Variants in ASTN2 observed in about 807,000 individuals in gnomAD.
ASTN2 encodes the protein astrotactin-2.
ASTN2 carries 54 observed loss-of-function variants against 139.8 expected under a neutral mutation model. The observed-to-expected ratio is 0.39, with a 90% confidence interval of 0.31 to 0.48. The LOEUF is 0.48. Ranked by LOEUF, ASTN2 falls within the 20% of genes least tolerant of loss-of-function variation. The probability of loss-of-function intolerance (pLI) is 0.95; values close to 1 mark genes in which losing one functional copy is unlikely to be tolerated. For missense variants in ASTN2, 1,565 were observed against 1,725.1 expected (o/e 0.91, Z 1.64); for synonymous variants, 756 against 719.5 (o/e 1.05, Z -0.81).
chr9:116,440,019 T>C (rs1847794708), intron 22 of ASTN2, among the ~76,000 whole-genome samples: 2 of 152,214 alleles, frequency 1.3e-5, no homozygotes, highest in Non-Finnish European at 2.9e-5. Context: ...GCAGCCACCA[T>C]TGCATATACT....
chr9:117,183,479 T>A (rs570162071), intron 3 of ASTN2, among the ~76,000 whole-genome samples: 10 of 152,324 alleles, frequency 6.6e-5, no homozygotes, highest in Admixed American at 5.2e-4. Flanking sequence ...ATTACATCAT[T>A]TGTTCTTACA....
At chr9:117,074,358 AT>A (rs1378640854) in intron 5 of ASTN2, among the ~76,000 whole-genome samples, 1 of 152,178 alleles carries the variant, frequency 6.6e-6, no homozygotes, top group Non-Finnish European at 1.5e-5. Flanking sequence ...CCACAGTGAC[AT>A]TTGGTCTGAG....
intron 19 of ASTN2, among the ~76,000 whole-genome samples, chr9:116,512,775 T>C (rs1461681071): frequency 6.6e-6 from 1 of 152,236 alleles, no homozygotes; most frequent in Non-Finnish European, 1.5e-5. Flanking sequence ...TTTGTCTCTT[T>C]TGATCTTTGT....
At chr9:117,035,888 C>T (rs1268724839) in intron 6 of ASTN2, among the ~76,000 whole-genome samples, 2 of 152,300 alleles carry the variant, frequency 1.3e-5, no homozygotes, top group African/African-American at 2.4e-5. Flanking sequence ...CTTTTCCATT[C>T]ACCTCACTGA....
At chr9:117,345,470 A>G (rs982338880) in intron 1 of ASTN2, among the ~76,000 whole-genome samples, 15 of 152,116 alleles carry the variant, frequency 9.9e-5, no homozygotes, top group Admixed American at 2.6e-4. Flanking sequence ...CAAAATCCCT[A>G]CCGTAATCCT....
chr9:117,105,522 G>T (rs1014077796), intron 4 of ASTN2, among the ~76,000 whole-genome samples: 1 of 152,148 alleles, frequency 6.6e-6, no homozygotes, highest in East Asian at 1.9e-4. Flanking sequence ...AGTCCTTGTG[G>T]AACTGAGATA....
intron 1 of ASTN2, among the ~76,000 whole-genome samples, chr9:117,291,758 C>T (rs758064355): frequency 3.3e-5 from 5 of 152,142 alleles, no homozygotes; most frequent in East Asian, 3.8e-4. Flanking sequence ...TGTCTGAGGC[C>T]GTTTTTAGTA....
At chr9:116,938,807 T>C (rs28405197) in intron 10 of ASTN2, among the ~76,000 whole-genome samples, 52 of 152,334 alleles carry the variant, frequency 3.4e-4, no homozygotes, top group African/African-American at 1.2e-3. Flanking sequence ...ATTATCTTTC[T>C]GAGATAACTC....
At chr9:116,602,600 T>C (rs1854963738) in intron 19 of ASTN2, among the ~76,000 whole-genome samples, 1 of 152,156 alleles carries the variant, frequency 6.6e-6, no homozygotes, top group Admixed American at 6.6e-5. Context: ...TCATTGTTCT[T>C]AATGAATAAA....
intron 17 of ASTN2, among the ~76,000 whole-genome samples, chr9:116,626,055 C>T (rs141946548): frequency 3.4e-4 from 51 of 151,496 alleles, no homozygotes; most frequent in African/African-American, 1.1e-3. Flanking sequence ...TATTGGCTCA[C>T]GGCAATCTCT....
chr9:117,266,677 C>A (rs1382219062), intron 2 of ASTN2, among the ~76,000 whole-genome samples: 1 of 152,194 alleles, frequency 6.6e-6, no homozygotes, highest in African/African-American at 2.4e-5. Flanking sequence ...TCCTTCCTTT[C>A]ATATTTTTTG....
chr9:117,252,623 G>A (rs1393253548), intron 2 of ASTN2, among the ~76,000 whole-genome samples: 1 of 152,160 alleles, frequency 6.6e-6, no homozygotes, highest in Non-Finnish European at 1.5e-5. Context: ...TTTTATATTT[G>A]CCAGGGACTA....
intron 16 of ASTN2, among the ~76,000 whole-genome samples, chr9:116,725,051 C>T (rs756118): frequency 0.51 from 77,429 of 152,006 alleles, 21,759 homozygotes; most frequent in South Asian, 0.72. Context: ...ATTCTAACTT[C>T]CTCAAAATGC....
intron 1 of ASTN2, among the ~76,000 whole-genome samples, chr9:117,377,633 G>A (rs1830158270): frequency 6.6e-6 from 1 of 151,280 alleles, no homozygotes; most frequent in Non-Finnish European, 1.5e-5. Context: ...AATGCACATG[G>A]CAAGAAGCTA....
intron 2 of ASTN2, among the ~76,000 whole-genome samples, chr9:117,284,999 A>G (rs1023497307): frequency 1.3e-5 from 2 of 152,380 alleles, no homozygotes; most frequent in East Asian, 1.9e-4. Flanking sequence ...TGAGTTAAAT[A>G]CATGTCAAGT....
At chr9:116,565,388 C>CTCTCTCTCTCTATAT (rs1564120372) in intron 19 of ASTN2, among the ~76,000 whole-genome samples, 2 of 34,024 alleles carry the variant, frequency 5.9e-5, no homozygotes, top group Non-Finnish European at 9.7e-5. Flanking sequence ...TCTCTCTCTC[C>CTCTCTCTCTCTATAT]ATATATATAT....
At chr9:116,609,115 T>C (rs577930111) in intron 19 of ASTN2, among the ~76,000 whole-genome samples, 6 of 151,970 alleles carry the variant, frequency 3.9e-5, no homozygotes, top group Non-Finnish European at 8.8e-5. Flanking sequence ...TGACTGAATA[T>C]ACATGTTGTT....
Position 116,643,641 on chromosome 9 carries a change from TGATTA to T in ASTN2, c.3072+7882_3072+7886del, listed in dbSNP as rs1331111501. Reference sequence around the variant, plus strand: ...AGTACTTCCCTCATAAGTTGTTGGATGATTAAATTAGATAAAGCATGTAAAGTCCT... The same window carrying T: ...AGTACTTCCCTCATAAGTTGTTGGATAATTAGATAAAGCATGTAAAGTCCT... On this transcript the variant is annotated intron_variant, in intron 17 of 22. Transcript: ENST00000313400. Among the ~76,000 whole-genome samples the T allele has an allele frequency of 5.3e-5, 8 of 152,260 alleles. No individual in the cohort carries two copies. In the South Asian group the frequency reaches 6.2e-4, roughly 12 times the overall value.
At chr9:116,471,037 A>G (rs1266336322) in intron 20 of ASTN2, among the ~76,000 whole-genome samples, 5 of 152,162 alleles carry the variant, frequency 3.3e-5, no homozygotes, top group Non-Finnish European at 5.9e-5. Context: ...TTTCTTTTTT[A>G]AAATGATTTT....
Sources: gnomAD v4.1 joint callset for allele counts (sites outside exome capture counted in the v4.1 genomes callset) on GRCh38, gnomAD v4.1.1 for gene constraint, MANE v1.5 for transcripts, NCBI Gene and HGNC (gene_info 2026-07-23, HGNC 2026-07-21) for gene names.